The following RANBP2 variants were observed in gnomAD, a reference collection of about 807,000 sequenced individuals.
RANBP2 encodes the protein E3 SUMO-protein ligase RanBP2.
In RANBP2, 57 loss-of-function variants were observed where a neutral mutation model predicts 303.6. The ratio of observed to expected loss-of-function variants is 0.19; its 90% CI spans 0.15 to 0.23. RANBP2 has a LOEUF of 0.23. Among genes scored for constraint, RANBP2 ranks in the 10% least tolerant of loss-of-function variants. The pLI, the probability that RANBP2 is intolerant of heterozygous loss-of-function variation, is 1.00. For synonymous variants in RANBP2, 1,167 were observed against 1,301.5 expected, an observed-to-expected ratio of 0.90 and a Z score of 2.23; for missense variants, 3,138 against 3,780.8, an observed-to-expected ratio of 0.83 and a Z score of 4.46.
the RANBP2 span, among the ~76,000 whole-genome samples, chr2:109,583,251 T>G: frequency 2.6e-5 from 4 of 151,952 alleles, no homozygotes; most frequent in Non-Finnish European, 2.9e-5. Context: ...GGGAGAAAAT[T>G]TTTACAAACT....
At chr2:109,097,736 GGTGTGTGTGTGT>G in the RANBP2 span, among the ~76,000 whole-genome samples, 10 of 146,806 alleles carry the variant, frequency 6.8e-5, no homozygotes, top group East Asian at 1.0e-3. Flanking sequence ...ATGTGCTTAG[GGTGTGTGTGTGT>G]GTGTGTGTGT....
At chr2:109,469,117 C>T in the RANBP2 span, among the ~76,000 whole-genome samples, 1 of 152,174 alleles carries the variant, frequency 6.6e-6, no homozygotes, top group African/African-American at 2.4e-5. Flanking sequence ...CCTTGTGGCC[C>T]ATGCCATGCC....
chr2:109,722,786 C>T, the RANBP2 span, among the ~76,000 whole-genome samples: 25,307 of 152,214 alleles, frequency 0.17, 2,666 homozygotes, highest in East Asian at 0.3. Flanking sequence ...CCAAATCCAT[C>T]TATGTCCCTG....
intron 9 of RANBP2, 102 bp downstream of exon 9, chr2:108,749,231 C>G (rs1456804017): frequency 6.3e-7 from 1 of 1,576,354 alleles, no homozygotes; most frequent in African/African-American, 1.4e-5. Flanking sequence ...TCCTGTATTC[C>G]TTTTGTGTGT....
chr2:109,001,879 G>C, the RANBP2 span, among the ~76,000 whole-genome samples: 29 of 150,988 alleles, frequency 1.9e-4, no homozygotes, highest in East Asian at 5.9e-4. Flanking sequence ...ATAGGCGCCC[G>C]CCACCACGCC....
chr2:109,129,439 C>T, the RANBP2 span: 8 of 1,484,738 alleles, frequency 5.4e-6, no homozygotes, highest in East Asian at 5.5e-5. Flanking sequence ...AAAGTCACGG[C>T]GGAGCCCGGC....
intron 9 of RANBP2, among the ~76,000 whole-genome samples, chr2:108,750,837 A>G (rs1391908461): frequency 6.6e-6 from 1 of 152,150 alleles, no homozygotes. Flanking sequence ...AACCTTTTCA[A>G]TATTGACTTT....
chr2:109,732,870 A>C, the RANBP2 span: 1 of 1,231,758 alleles, frequency 8.1e-7, no homozygotes, highest in Non-Finnish European at 1.2e-6. Context: ...GATCCCCGAG[A>C]TGCAGCAGGT....
At chr2:109,181,983 C>T in the RANBP2 span, among the ~76,000 whole-genome samples, 1 of 152,068 alleles carries the variant, frequency 6.6e-6, no homozygotes, top group African/African-American at 2.4e-5. Flanking sequence ...GATGTTTGCT[C>T]ATTGCTCAGG....
chr2:109,216,363 T>C, the RANBP2 span, among the ~76,000 whole-genome samples: 1 of 152,200 alleles, frequency 6.6e-6, no homozygotes, highest in East Asian at 1.9e-4. Flanking sequence ...TCACAGCATA[T>C]CATTTATTTA....
At chr2:109,623,888 G>A in the RANBP2 span, among the ~76,000 whole-genome samples, 13 of 152,314 alleles carry the variant, frequency 8.5e-5, no homozygotes, top group East Asian at 1.9e-3. Flanking sequence ...ACCCAGGAGA[G>A]CCCAGGATGG....
the RANBP2 span, among the ~76,000 whole-genome samples, chr2:109,705,998 G>A: frequency 6.6e-6 from 1 of 152,150 alleles, no homozygotes; most frequent in African/African-American, 2.4e-5. Context: ...GTGACCAGAA[G>A]CTTGGTGTCA....
At chr2:108,756,796 T>C (rs1055568856) in intron 17 of RANBP2, among the ~76,000 whole-genome samples, 8 of 152,188 alleles carry the variant, frequency 5.3e-5, no homozygotes, top group Non-Finnish European at 8.8e-5. Flanking sequence ...AGAGAATTAC[T>C]GAAGCCAGTT....
chr2:108,971,392 AGACCCCCAGGTGATTT>A, the RANBP2 span, among the ~76,000 whole-genome samples: 1 of 152,024 alleles, frequency 6.6e-6, no homozygotes, highest in African/African-American at 2.4e-5. Context: ...CATTGTAACA[AGACCCCCAGGTGATTT>A]GCGTGCAAAT....
the RANBP2 span, among the ~76,000 whole-genome samples, chr2:109,007,479 C>G: frequency 6.6e-6 from 1 of 152,232 alleles, no homozygotes; most frequent in Non-Finnish European, 1.5e-5. Flanking sequence ...TTCAAACTAA[C>G]TCATCCCATA....
the RANBP2 span, among the ~76,000 whole-genome samples, chr2:108,904,119 C>CA: frequency 4.6e-5 from 7 of 151,480 alleles, no homozygotes; most frequent in Admixed American, 1.3e-4. Context: ...AACTCAACAG[C>CA]AAAAAAATCA....
the RANBP2 span, among the ~76,000 whole-genome samples, chr2:109,535,264 G>A: frequency 6.6e-6 from 1 of 152,124 alleles, no homozygotes; most frequent in African/African-American, 2.4e-5. Flanking sequence ...TTTTGTTGAA[G>A]TATAACGTGG....
the RANBP2 span, among the ~76,000 whole-genome samples, chr2:109,055,537 C>G: frequency 6.6e-6 from 1 of 150,734 alleles, no homozygotes; most frequent in African/African-American, 2.5e-5. Flanking sequence ...ATTTTCTTTT[C>G]TTTTCTTTTC....
chr2:109,722,931 A>G, the RANBP2 span, among the ~76,000 whole-genome samples: 1 of 152,176 alleles, frequency 6.6e-6, no homozygotes, highest in Non-Finnish European at 1.5e-5. Flanking sequence ...TAGTGAACAT[A>G]CAGTCATGTA....
Sources: allele counts gnomAD v4.1 joint callset (sites outside exome capture counted in the v4.1 genomes callset), GRCh38; gene constraint gnomAD v4.1.1; transcripts MANE v1.5; gene names NCBI Gene and HGNC (gene_info 2026-07-23, HGNC 2026-07-21).